MDGA2: variants seen among roughly 807,000 people sequenced by gnomAD.
MDGA2 encodes MAM domain-containing glycosylphosphatidylinositol anchor protein 2.
MDGA2 carries 40 observed loss-of-function variants against 117.8 expected under a neutral mutation model. The ratio of observed to expected loss-of-function variants is 0.34; its 90% CI spans 0.26 to 0.44. The LOEUF (loss-of-function observed/expected upper bound fraction) is 0.44, where lower values mean the gene tolerates loss of function less well. MDGA2 is among the 20% of genes least tolerant of loss of function. The pLI, the probability that MDGA2 is intolerant of heterozygous loss-of-function variation, is 1.00. For synonymous variants in MDGA2, 452 were observed against 439.0 expected (o/e 1.03, Z -0.37); for missense variants, 1,123 against 1,250.6 (o/e 0.90, Z 1.54).
intron 1 of MDGA2, among the ~76,000 whole-genome samples, chr14:47,615,748 T>C (rs1896937582): frequency 6.6e-6 from 1 of 152,160 alleles, no homozygotes; most frequent in Admixed American, 6.5e-5. Flanking sequence ...AGGGGTCTAA[T>C]AAATAACAAA....
chr14:47,221,545 G>T (rs746913676), intron 2 of MDGA2, among the ~76,000 whole-genome samples: 2 of 151,950 alleles, frequency 1.3e-5, no homozygotes, highest in Non-Finnish European at 2.9e-5. Flanking sequence ...AAAATTAGCC[G>T]GGAGTGGTGG....
At chr14:47,626,389 A>T (rs1395462854) in intron 1 of MDGA2, 1 of 153,094 alleles carries the variant, frequency 6.5e-6, no homozygotes, top group African/African-American at 2.4e-5. Context: ...GGTGACAGCC[A>T]GCTGGCAGCC....
At chr14:47,508,748 C>T (rs1483546042) in intron 1 of MDGA2, among the ~76,000 whole-genome samples, 6 of 152,232 alleles carry the variant, frequency 3.9e-5, no homozygotes, top group South Asian at 4.1e-4. Context: ...GGTGCCATCA[C>T]GGCTCACTGC....
At chr14:46,993,453 T>C (rs1328590334) in intron 8 of MDGA2, among the ~76,000 whole-genome samples, 3 of 131,250 alleles carry the variant, frequency 2.3e-5, no homozygotes, top group Non-Finnish European at 3.6e-5. Context: ...TTTTTTCTAT[T>C]TTTTTGGGGG....
intron 8 of MDGA2, among the ~76,000 whole-genome samples, chr14:47,002,146 T>C (rs1311152285): frequency 6.6e-6 from 1 of 152,018 alleles, no homozygotes; most frequent in Non-Finnish European, 1.5e-5. Context: ...TAAAAAATAA[T>C]AATTATAAAA....
At chr14:46,975,319 A>G (rs1207134769) in intron 8 of MDGA2, among the ~76,000 whole-genome samples, 1 of 152,084 alleles carries the variant, frequency 6.6e-6, no homozygotes, top group African/African-American at 2.4e-5. Flanking sequence ...ACGAATTACT[A>G]CATGATCCAG....
intron 8 of MDGA2, among the ~76,000 whole-genome samples, chr14:47,001,852 T>C (rs999455239): frequency 1.8e-4 from 28 of 152,050 alleles, no homozygotes; most frequent in African/African-American, 6.0e-4. Context: ...GCAGTGGTGG[T>C]ATATACATTC....
chr14:47,326,630 G>C (rs1312470514), intron 1 of MDGA2, among the ~76,000 whole-genome samples: 1 of 151,606 alleles, frequency 6.6e-6, no homozygotes, highest in African/African-American at 2.4e-5. Flanking sequence ...TGTTGCCCCA[G>C]TCATTCTAAA....
chr14:47,203,324 T>C (rs1053211804), intron 3 of MDGA2, among the ~76,000 whole-genome samples: 1 of 151,776 alleles, frequency 6.6e-6, no homozygotes, highest in Non-Finnish European at 1.5e-5. Flanking sequence ...TGTCATGACA[T>C]GGGAGTTGAT....
rs148345053 is a variant in MDGA2 at position 46,957,686 on chromosome 14, C to CA, written c.1820-44dup. On this transcript the variant is annotated intron_variant, in intron 8 of 16. Coordinates refer to ENST00000399232, the MANE Select transcript of MDGA2 (RefSeq NM_001113498.3). ...AAAAACAGATGAAAGATGTGACTTG[C>CA]AATAAGCCAAAAGCTACTCTTATTA... The CA allele has an allele frequency of 3.6e-3, 5,822 of 1,605,878 alleles. 164 individuals are homozygous for CA. In the African/African-American group the frequency reaches 0.065, roughly 18 times the overall value.
At chr14:47,632,321 A>G (rs1462240748) in intron 1 of MDGA2, among the ~76,000 whole-genome samples, 1 of 152,134 alleles carries the variant, frequency 6.6e-6, no homozygotes, top group Non-Finnish European at 1.5e-5. Context: ...CAAACATCCA[A>G]TCATTGAGTC....
At chr14:47,436,186 T>C (rs1892894222) in intron 1 of MDGA2, among the ~76,000 whole-genome samples, 1 of 152,100 alleles carries the variant, frequency 6.6e-6, no homozygotes, top group Non-Finnish European at 1.5e-5. Flanking sequence ...CATTTCTCAA[T>C]TTGAGAAGTT....
Position 47,414,151 on chromosome 14 carries a change from T to C in MDGA2, c.281-112601A>G, listed in dbSNP as rs142310647. Among the ~76,000 whole-genome samples, 656 of 152,284 alleles carry C rather than the reference T, an allele frequency of 4.3e-3. 2 individuals carry two copies. The highest frequency in any genetic ancestry group is 7.6e-3 in the Non-Finnish European group (514 of 68,004). ...ACAGTGGAAAAACTCTGCTGTGAAA[T>C]TGAGTTATAGCCCTAGACTATTATC... On this transcript the variant is annotated intron_variant, in intron 1 of 16. Coordinates refer to ENST00000399232, the MANE Select transcript of MDGA2 (RefSeq NM_001113498.3).
chr14:47,165,640 G>C (rs8011175), intron 3 of MDGA2, among the ~76,000 whole-genome samples: 76,646 of 152,024 alleles, frequency 0.5, 20,558 homozygotes, highest in African/African-American at 0.7. Flanking sequence ...GTTCCACTCT[G>C]AGCTGCTTAT....
intron 1 of MDGA2, among the ~76,000 whole-genome samples, chr14:47,673,394 C>CGCT (rs1337338687): frequency 6.6e-6 from 1 of 152,076 alleles, no homozygotes; most frequent in Non-Finnish European, 1.5e-5. Context: ...CACCGGAGTC[C>CGCT]AAACCCCTGA....
intron 5 of MDGA2, among the ~76,000 whole-genome samples, chr14:47,130,894 G>T (rs1882170195): frequency 6.6e-6 from 1 of 152,052 alleles, no homozygotes; most frequent in Non-Finnish European, 1.5e-5. Flanking sequence ...TTACTTAAAA[G>T]TAAAAACTTA....
intron 1 of MDGA2, among the ~76,000 whole-genome samples, chr14:47,430,980 A>T (rs1173381965): frequency 6.6e-6 from 1 of 152,056 alleles, no homozygotes; most frequent in Non-Finnish European, 1.5e-5. Context: ...TGCATGCAGG[A>T]AGAACTCATC....
chr14:47,134,763 T>TACAC (rs200325713), intron 4 of MDGA2, among the ~76,000 whole-genome samples: 1 of 147,316 alleles, frequency 6.8e-6, no homozygotes, highest in Non-Finnish European at 1.5e-5. Flanking sequence ...TGTGTATATA[T>TACAC]ACACACACAC....
chr14:47,456,706 T>C (rs1893362367), intron 1 of MDGA2, among the ~76,000 whole-genome samples: 2 of 152,106 alleles, frequency 1.3e-5, no homozygotes, highest in African/African-American at 4.8e-5. Flanking sequence ...GAGAGATAAA[T>C]AAATGCACAC....
Sources: allele counts gnomAD v4.1 joint callset (sites outside exome capture counted in the v4.1 genomes callset), GRCh38; gene constraint gnomAD v4.1.1; transcripts MANE v1.5; gene names NCBI Gene and HGNC (gene_info 2026-07-23, HGNC 2026-07-21).